Variants in WWOX observed in about 807,000 individuals in gnomAD.
The protein encoded by WWOX is WW domain containing oxidoreductase, also known as WW domain-containing oxidoreductase.
Under a neutral mutation model 46.2 loss-of-function variants are expected in WWOX, and 69 were observed. The ratio of observed to expected loss-of-function variants is 1.49; its 90% CI spans 1.23 to 1.82. The LOEUF (loss-of-function observed/expected upper bound fraction) is 1.82, where lower values mean the gene tolerates loss of function less well. Among genes scored for constraint, WWOX ranks in the 40% most tolerant of loss-of-function variants. The pLI is 0.00. For synonymous variants in WWOX, 359 were observed against 202.6 expected (o/e 1.77, Z -6.56); for missense variants, 919 against 542.6 (o/e 1.69, Z -6.89).
intron 8 of WWOX, among the ~76,000 whole-genome samples, chr16:79,084,462 C>G (rs925916475): frequency 6.6e-6 from 1 of 152,024 alleles, no homozygotes; most frequent in Non-Finnish European, 1.5e-5. Context: ...GCTCTGTTGC[C>G]CAGGGTAGAG....
intron 8 of WWOX, among the ~76,000 whole-genome samples, chr16:78,915,946 A>G (rs556875104): frequency 1.3e-4 from 20 of 152,336 alleles, no homozygotes; most frequent in African/African-American, 2.4e-4. Flanking sequence ...AGCTCAATCA[A>G]TGCCCAGAAA....
chr16:78,470,718 G>A (rs60853560), intron 8 of WWOX, among the ~76,000 whole-genome samples: 1 of 151,990 alleles, frequency 6.6e-6, no homozygotes, highest in African/African-American at 2.4e-5. Context: ...AGTAGAGATG[G>A]GGGTTTCACC....
At chr16:78,363,372 C>T (rs915977529) in intron 5 of WWOX, among the ~76,000 whole-genome samples, 1 of 151,890 alleles carries the variant, frequency 6.6e-6, no homozygotes, top group Non-Finnish European at 1.5e-5. Context: ...CTCCCAAGCT[C>T]CAGTGATTTT....
intron 8 of WWOX, among the ~76,000 whole-genome samples, chr16:78,757,838 C>A (rs1389291472): frequency 6.6e-6 from 1 of 152,006 alleles, no homozygotes; most frequent in Non-Finnish European, 1.5e-5. Context: ...CCTCTTCTGA[C>A]AAGTCCACCA....
At chr16:78,821,730 A>G (rs537436273) in intron 8 of WWOX, among the ~76,000 whole-genome samples, 3 of 152,278 alleles carry the variant, frequency 2.0e-5, no homozygotes, top group African/African-American at 4.8e-5. Flanking sequence ...ACCCAAGTCT[A>G]TTTCTGAGGC....
chr16:78,569,267 CA>C, intron 8 of WWOX, among the ~76,000 whole-genome samples: 1 of 152,214 alleles, frequency 6.6e-6, no homozygotes, highest in East Asian at 1.9e-4. Context: ...GTTATTAAAA[CA>C]AGTAGATGCA....
chr16:78,743,150 C>A (rs1050440089), intron 8 of WWOX, among the ~76,000 whole-genome samples: 2 of 152,022 alleles, frequency 1.3e-5, no homozygotes, highest in African/African-American at 2.4e-5. Flanking sequence ...GTGCTGCAGC[C>A]GTTATTGATA....
At chr16:79,010,621 C>T (rs146361995) in intron 8 of WWOX, among the ~76,000 whole-genome samples, 2 of 151,910 alleles carry the variant, frequency 1.3e-5, no homozygotes, top group African/African-American at 2.4e-5. Context: ...TGGTATGAAA[C>T]AAATCAGGGA....
intron 8 of WWOX, among the ~76,000 whole-genome samples, chr16:78,731,814 G>C (rs1033453149): frequency 6.7e-6 from 1 of 150,082 alleles, no homozygotes; most frequent in African/African-American, 2.5e-5. Context: ...AAGTCTAATA[G>C]CACTCCCCAA....
chr16:78,778,684 C>T (rs1465289776), intron 8 of WWOX, among the ~76,000 whole-genome samples: 2 of 152,178 alleles, frequency 1.3e-5, no homozygotes, highest in Non-Finnish European at 1.5e-5. Flanking sequence ...CATCTACTCA[C>T]CTCCTGTTTG....
chr16:78,871,777 C>A (rs747418187), intron 8 of WWOX, among the ~76,000 whole-genome samples: 22 of 152,066 alleles, frequency 1.4e-4, no homozygotes, highest in South Asian at 2.1e-4. Context: ...TTTTTTGTAT[C>A]TTTTTTAGTA....
chr16:78,744,381 C>A (rs1266264285), intron 8 of WWOX, among the ~76,000 whole-genome samples: 2 of 146,766 alleles, frequency 1.4e-5, no homozygotes, highest in African/African-American at 5.1e-5. Context: ...GCAGAAGACG[C>A]TTGAAGGGGC....
At chr16:78,101,968 G>T (rs932661076) in intron 1 of WWOX, among the ~76,000 whole-genome samples, 3 of 152,256 alleles carry the variant, frequency 2.0e-5, no homozygotes, top group African/African-American at 7.2e-5. Flanking sequence ...AGTTGGGGGG[G>T]TCGTGAGGGA....
chr16:78,857,632 T>C (rs1264571455), intron 8 of WWOX, among the ~76,000 whole-genome samples: 1 of 152,246 alleles, frequency 6.6e-6, no homozygotes, highest in African/African-American at 2.4e-5. Flanking sequence ...TAACATTGAC[T>C]ATCTTGTCAT....
intron 8 of WWOX, among the ~76,000 whole-genome samples, chr16:78,726,711 G>A (rs377270422): frequency 8.6e-6 from 1 of 115,962 alleles, no homozygotes; most frequent in Non-Finnish European, 1.7e-5. Context: ...GGTTGGTTTT[G>A]TTTTGTTTTG....
At chr16:78,878,539 CT>C (rs1261543089) in intron 8 of WWOX, among the ~76,000 whole-genome samples, 1 of 152,058 alleles carries the variant, frequency 6.6e-6, no homozygotes, top group Non-Finnish European at 1.5e-5. Context: ...CACATTGGCA[CT>C]TAATAAATGT....
intron 8 of WWOX, among the ~76,000 whole-genome samples, chr16:78,779,528 C>G (rs1476088840): frequency 6.6e-6 from 1 of 152,192 alleles, no homozygotes; most frequent in Non-Finnish European, 1.5e-5. Context: ...GTTGCTCACT[C>G]TGTCCAAGGC....
rs532804929 is a variant in WWOX at position 79,073,213 on chromosome 16, C to G, written c.1057-138395C>G. Among the ~76,000 whole-genome samples the G allele has an allele frequency of 3.3e-5, 5 of 150,318 alleles. No homozygotes were observed. In the South Asian group the frequency reaches 1.1e-3, roughly 32 times the overall value. On this transcript the variant is annotated intron_variant, in intron 8 of 8. Coordinates refer to ENST00000566780, the MANE Select transcript of WWOX (RefSeq NM_016373.4). ...TATTACTGAGACACCGTTTTACTCT[C>G]TCTTTGCCCAGGCTGGAGTGAAATG...
At chr16:78,372,471 A>G (rs1360610312) in intron 5 of WWOX, among the ~76,000 whole-genome samples, 1 of 152,212 alleles carries the variant, frequency 6.6e-6, no homozygotes, top group African/African-American at 2.4e-5. Context: ...CATGACAGTC[A>G]ATGATAGAAT....
Sources: gnomAD v4.1 joint callset for allele counts (sites outside exome capture counted in the v4.1 genomes callset) on GRCh38, gnomAD v4.1.1 for gene constraint, MANE v1.5 for transcripts, NCBI Gene and HGNC (gene_info 2026-07-23, HGNC 2026-07-21) for gene names.